The following AGMO variants were observed in gnomAD, a reference collection of about 807,000 sequenced individuals.
The protein encoded by AGMO is alkylglycerol monooxygenase, also known as glyceryl-ether monooxygenase.
Under a neutral mutation model 60.2 loss-of-function variants are expected in AGMO, and 75 were observed. The observed-to-expected ratio is 1.25, with a 90% CI of 1.03 to 1.51. AGMO has a LOEUF of 1.51. Ranked by LOEUF, AGMO falls within the 40% of genes most tolerant of loss-of-function variation. The pLI is 0.00. For synonymous variants in AGMO, 261 were observed against 177.1 expected (o/e 1.47, Z -3.76); for missense variants, 763 against 525.5 (o/e 1.45, Z -4.42).
At chr7:15,142,135 C>T in the AGMO span, among the ~76,000 whole-genome samples, 4 of 152,076 alleles carry the variant, frequency 2.6e-5, no homozygotes, top group East Asian at 1.9e-4. Flanking sequence ...TTATTCACAC[C>T]GCATTTTGCT....
At position 15,530,633 on chromosome 7, in the gene AGMO, C is replaced by T. The variant is rs187600380; in HGVS notation, c.409+14139G>A. Reference sequence around the variant, plus strand: ...TATTTCTATATATATATTCTATATACGTATTTCTATATATATATTCTATAT... The same window carrying T: ...TATTTCTATATATATATTCTATATATGTATTTCTATATATATATTCTATAT... On this transcript the variant is annotated intron_variant, in intron 3 of 12. Transcript: ENST00000342526. Among the ~76,000 whole-genome samples the T allele has an allele frequency of 1.8e-3, 216 of 118,568 alleles. 4 individuals are homozygous for T. The highest frequency in any genetic ancestry group is 6.2e-3 in the African/African-American group (200 of 32,222). 77.8% of individuals were successfully genotyped at this position (118,568 alleles called of 152,430 possible).
At chr7:15,398,222 C>G (rs1784462854) in intron 5 of AGMO, among the ~76,000 whole-genome samples, 1 of 152,176 alleles carries the variant, frequency 6.6e-6, no homozygotes, top group Non-Finnish European at 1.5e-5. Flanking sequence ...GATGTAAAGC[C>G]ACACAAATGG....
At chr7:15,373,277 C>CAA (rs780500529) in intron 10 of AGMO, among the ~76,000 whole-genome samples, 1 of 138,090 alleles carries the variant, frequency 7.2e-6, no homozygotes, top group African/African-American at 2.7e-5. Flanking sequence ...TATTCTGTCT[C>CAA]AAAAAAAAAA....
intron 3 of AGMO, among the ~76,000 whole-genome samples, chr7:15,443,505 C>A (rs916350255): frequency 2.6e-5 from 4 of 152,186 alleles, no homozygotes; most frequent in Non-Finnish European, 5.9e-5. Context: ...TATTGTTTTT[C>A]ATCAATCCAC....
At chr7:15,136,017 GA>G in the AGMO span, among the ~76,000 whole-genome samples, 1 of 46,176 alleles carries the variant, frequency 2.2e-5, no homozygotes, top group Non-Finnish European at 5.5e-5. Context: ...TTTTGAGACG[GA>G]GTTTTGCTCT....
Position 15,365,520 on chromosome 7 carries a change from A to G in AGMO, c.1257T>C (p.Ala419=). 1 of 1,609,960 alleles carries G rather than the reference A, an allele frequency of 6.2e-7. No homozygotes were observed. Among genetic ancestry groups the G allele is most frequent in the Non-Finnish European group, 8.5e-7 (1 of 1,176,734 alleles). Residue 419 remains alanine, a synonymous_variant, in exon 12 of 13, where the codon GCT becomes GCC. Coordinates refer to ENST00000342526, the MANE Select transcript of AGMO (RefSeq NM_001004320.2). ...ACCTAAACAAATGTCTTACCTCAAA[A>G]GCAGATGACAATGAAGGGACAAGAG... The part of the protein sequence containing the change: ...LKPLVPSLSS[A]FEIVFSICIA...
intron 12 of AGMO, among the ~76,000 whole-genome samples, chr7:15,356,331 T>G (rs888815916): frequency 6.6e-6 from 1 of 152,024 alleles, no homozygotes; most frequent in African/African-American, 2.4e-5. Flanking sequence ...TAGTCAACAG[T>G]GAACCAATTT....
chr7:15,465,708 A>G (rs920991099), intron 3 of AGMO, among the ~76,000 whole-genome samples: 3 of 151,464 alleles, frequency 2.0e-5, no homozygotes, highest in Admixed American at 6.6e-5. Context: ...AGCCTCCCAA[A>G]ATGCTGAGAT....
At chr7:15,556,627 T>C (rs1468262252) in intron 2 of AGMO, among the ~76,000 whole-genome samples, 2 of 152,072 alleles carry the variant, frequency 1.3e-5, no homozygotes, top group African/African-American at 4.8e-5. Context: ...TGAGTTCTGC[T>C]TAAACAAGCA....
chr7:15,522,889 T>G (rs1210201284), intron 3 of AGMO, among the ~76,000 whole-genome samples: 1 of 152,068 alleles, frequency 6.6e-6, no homozygotes, highest in African/African-American at 2.4e-5. Flanking sequence ...CAAAAGAAAC[T>G]ATCATCGGCA....
intron 12 of AGMO, among the ~76,000 whole-genome samples, chr7:15,326,486 C>T (rs898468932): frequency 4.2e-4 from 64 of 152,274 alleles, no homozygotes; most frequent in African/African-American, 1.5e-3. Context: ...CCTGCCTCTT[C>T]GCATTCTACC....
chr7:15,280,776 T>C (rs1783941202), intron 12 of AGMO, among the ~76,000 whole-genome samples: 1 of 152,190 alleles, frequency 6.6e-6, no homozygotes, highest in African/African-American at 2.4e-5. Context: ...CTACAGGACC[T>C]GGCTAAATAC....
At chr7:15,338,433 C>T (rs2128547813) in intron 12 of AGMO, among the ~76,000 whole-genome samples, 1 of 149,522 alleles carries the variant, frequency 6.7e-6, no homozygotes, top group South Asian at 2.1e-4. Flanking sequence ...AGATAAGTTT[C>T]TGTTTTTGAG....
At chr7:15,495,823 T>A (rs1210684106) in intron 3 of AGMO, among the ~76,000 whole-genome samples, 2 of 94,056 alleles carry the variant, frequency 2.1e-5, no homozygotes, top group Non-Finnish European at 5.0e-5. Context: ...ATGGAGACTC[T>A]CTCTCTCTCT....
At chr7:15,372,792 G>A (rs1783271447) in intron 10 of AGMO, among the ~76,000 whole-genome samples, 2 of 151,954 alleles carry the variant, frequency 1.3e-5, no homozygotes, top group South Asian at 4.2e-4. Context: ...ATATACTGCT[G>A]GTTTATCTTT....
intron 3 of AGMO, among the ~76,000 whole-genome samples, chr7:15,542,082 GT>G (rs200858235): frequency 4.0e-5 from 6 of 151,496 alleles, no homozygotes; most frequent in East Asian, 1.9e-4. Context: ...ATTATATGGG[GT>G]TTTTTTTAGC....
chr7:15,174,794 G>A, the AGMO span, among the ~76,000 whole-genome samples: 4 of 151,904 alleles, frequency 2.6e-5, no homozygotes, highest in Non-Finnish European at 4.4e-5. Flanking sequence ...TTTTTTCTAT[G>A]AAAAGGACAT....
intron 12 of AGMO, among the ~76,000 whole-genome samples, chr7:15,259,136 G>A (rs907602146): frequency 1.3e-5 from 2 of 151,936 alleles, no homozygotes; most frequent in Admixed American, 6.6e-5. Flanking sequence ...TAAAGGTGAA[G>A]TCCAAAAGAA....
intron 12 of AGMO, among the ~76,000 whole-genome samples, chr7:15,341,624 G>A (rs1367146939): frequency 6.6e-6 from 1 of 152,032 alleles, no homozygotes; most frequent in African/African-American, 2.4e-5. Flanking sequence ...ACATTTTCAG[G>A]TACTTTTACA....
Sources: allele counts gnomAD v4.1 joint callset (sites outside exome capture counted in the v4.1 genomes callset), GRCh38; gene constraint gnomAD v4.1.1; transcripts MANE v1.5; gene names NCBI Gene and HGNC (gene_info 2026-07-23, HGNC 2026-07-21).